CHN2: variants seen among roughly 807,000 people sequenced by gnomAD.
CHN2 encodes chimerin 2, also known as beta-chimaerin.
A neutral mutation model predicts 56.3 loss-of-function variants in CHN2; 35 were observed. That is an observed-to-expected ratio of 0.62 (90% CI 0.47 to 0.82). The LOEUF (loss-of-function observed/expected upper bound fraction) is 0.82. Ranked by LOEUF, CHN2 falls within the 40% of genes least tolerant of loss-of-function variation. The pLI, the probability that CHN2 is intolerant of heterozygous loss-of-function variation, is 0.00. For synonymous variants in CHN2, 210 were observed against 212.8 expected (o/e 0.99, Z 0.12); for missense variants, 491 against 580.5 (o/e 0.85, Z 1.58).
chr7:29,499,176 A>G (rs374843454), intron 8 of CHN2, among the ~76,000 whole-genome samples: 120 of 152,280 alleles, frequency 7.9e-4, no homozygotes, highest in African/African-American at 2.7e-3. Context: ...TTTCATATGA[A>G]CTTTATAAAT....
At chr7:29,187,376 A>G (rs1306444247) in intron 2 of CHN2, among the ~76,000 whole-genome samples, 1 of 151,928 alleles carries the variant, frequency 6.6e-6, no homozygotes, top group East Asian at 1.9e-4. Flanking sequence ...ACAAAGAGAG[A>G]GACAGAGAGC....
At chr7:29,431,580 C>A (rs769757134) in intron 6 of CHN2, among the ~76,000 whole-genome samples, 1 of 152,178 alleles carries the variant, frequency 6.6e-6, no homozygotes, top group Non-Finnish European at 1.5e-5. Context: ...CCACTAGACC[C>A]CTCTGACTAC....
intron 10 of CHN2, 41 bp downstream of exon 10, chr7:29,504,862 A>T: frequency 7.3e-7 from 1 of 1,364,238 alleles, no homozygotes; most frequent in Non-Finnish European, 1.0e-6. Context: ...ACATCCTAAC[A>T]CCCTTCTCGA....
chr7:29,437,473 C>T (rs1298398586), intron 6 of CHN2, among the ~76,000 whole-genome samples: 1 of 131,394 alleles, frequency 7.6e-6, no homozygotes, highest in East Asian at 2.0e-4. Flanking sequence ...TGGCGGGCGC[C>T]TGTAGTCCCA....
chr7:29,298,662 A>G (rs945624703), intron 1 of CHN2, among the ~76,000 whole-genome samples: 4 of 152,154 alleles, frequency 2.6e-5, no homozygotes, highest in Admixed American at 6.5e-5. Flanking sequence ...ATTGCTTAGA[A>G]CTAGAATATC....
chr7:29,483,094 T>TG (rs1446920521), intron 7 of CHN2, among the ~76,000 whole-genome samples: 1 of 152,150 alleles, frequency 6.6e-6, no homozygotes, highest in Non-Finnish European at 1.5e-5. Flanking sequence ...GTGCTAGGAT[T>TG]ACAGGCGTGA....
At chr7:29,453,702 T>C (rs1410748472) in intron 6 of CHN2, among the ~76,000 whole-genome samples, 5 of 152,200 alleles carry the variant, frequency 3.3e-5, no homozygotes, top group Non-Finnish European at 7.3e-5. Context: ...CATTCCAGGG[T>C]TTATTAGTGG....
chr7:29,161,203 A>C (rs1795130977), intron 2 of CHN2, among the ~76,000 whole-genome samples: 1 of 152,140 alleles, frequency 6.6e-6, no homozygotes, highest in South Asian at 2.1e-4. Flanking sequence ...GACCAGGCTC[A>C]TGTCTTAGCA....
chr7:29,356,787 A>G (rs1012230896), intron 2 of CHN2, among the ~76,000 whole-genome samples: 2 of 152,186 alleles, frequency 1.3e-5, no homozygotes, highest in African/African-American at 2.4e-5. Flanking sequence ...GGCCGTGCTA[A>G]TGACTTAGTA....
chr7:29,359,227 C>G (rs1244893708), intron 2 of CHN2, among the ~76,000 whole-genome samples: 4 of 152,094 alleles, frequency 2.6e-5, no homozygotes, highest in Non-Finnish European at 4.4e-5. Flanking sequence ...CCCCATATAA[C>G]CCTGTATAAC....
At chr7:29,322,519 T>G (rs1329566096) in intron 1 of CHN2, among the ~76,000 whole-genome samples, 1 of 152,066 alleles carries the variant, frequency 6.6e-6, no homozygotes, top group Non-Finnish European at 1.5e-5. Flanking sequence ...CTAGTAGGAG[T>G]ATTGTGAAGA....
intron 1 of CHN2, among the ~76,000 whole-genome samples, chr7:29,239,848 A>G (rs1342739541): frequency 6.6e-6 from 1 of 152,172 alleles, no homozygotes; most frequent in African/African-American, 2.4e-5. Flanking sequence ...AGAGGGCAGC[A>G]CTGGTCCCCT....
At position 29,479,359 on chromosome 7, in the gene CHN2, G is replaced by A. The variant is rs117578068; in HGVS notation, c.577-920G>A. Reference sequence around the variant, plus strand: ...GTGTGGGTTTGAGCAGAGTTTGTTCGTGCAGGAAGGACAGGAGAGACCGGG... The same window carrying A: ...GTGTGGGTTTGAGCAGAGTTTGTTCATGCAGGAAGGACAGGAGAGACCGGG... On this transcript the variant is annotated intron_variant, in intron 6 of 12. Transcript: ENST00000222792. 6.6e-4 allele frequency among the ~76,000 whole-genome samples: 101 copies of A among 152,238 alleles called. 1 individual carries two copies. In the East Asian group the frequency reaches 0.017, roughly 26 times the overall value.
intron 6 of CHN2, among the ~76,000 whole-genome samples, chr7:29,475,928 T>G (rs1786553862): frequency 6.6e-6 from 1 of 152,064 alleles, no homozygotes; most frequent in Admixed American, 6.6e-5. Context: ...CATTTTGGGG[T>G]GATGAAATAT....
At chr7:29,457,340 T>C (rs1264433478) in intron 6 of CHN2, among the ~76,000 whole-genome samples, 1 of 152,014 alleles carries the variant, frequency 6.6e-6, no homozygotes, top group Non-Finnish European at 1.5e-5. Flanking sequence ...GATAATAGGG[T>C]CGTGACCTCC....
intron 3 of CHN2, among the ~76,000 whole-genome samples, chr7:29,383,600 C>G (rs1416184413): frequency 2.6e-5 from 4 of 152,144 alleles, no homozygotes; most frequent in African/African-American, 7.2e-5. Context: ...CACAAGTTGA[C>G]ACATAAAATT....
intron 6 of CHN2, among the ~76,000 whole-genome samples, chr7:29,469,048 G>C (rs1364090428): frequency 6.6e-6 from 1 of 152,100 alleles, no homozygotes; most frequent in Non-Finnish European, 1.5e-5. Context: ...TTTCACTCTT[G>C]CTCCTCCTGG....
chr7:29,299,574 G>A (rs1261604255), intron 1 of CHN2, among the ~76,000 whole-genome samples: 1 of 152,114 alleles, frequency 6.6e-6, no homozygotes, highest in Non-Finnish European at 1.5e-5. Context: ...TGTCACCTTT[G>A]TCAGGGGTCT....
chr7:29,274,524 C>T (rs1166723688), intron 1 of CHN2, among the ~76,000 whole-genome samples: 1 of 152,104 alleles, frequency 6.6e-6, no homozygotes, highest in African/African-American at 2.4e-5. Context: ...CTCCTTTTTC[C>T]TGCATTAATC....
Sources: gnomAD v4.1 joint callset for allele counts (sites outside exome capture counted in the v4.1 genomes callset) on GRCh38, gnomAD v4.1.1 for gene constraint, MANE v1.5 for transcripts, NCBI Gene and HGNC (gene_info 2026-07-23, HGNC 2026-07-21) for gene names.